FOXP2: variants seen among roughly 807,000 people sequenced by gnomAD.
FOXP2 encodes forkhead box protein P2.
In FOXP2, 12 loss-of-function variants were observed where a neutral mutation model predicts 115.8. That is an observed-to-expected ratio of 0.10 (90% confidence interval 0.07 to 0.17). The LOEUF is 0.17. Among genes scored for constraint, FOXP2 ranks in the 10% least tolerant of loss-of-function variants. The pLI, the probability that FOXP2 is intolerant of heterozygous loss-of-function variation, is 1.00. For missense variants in FOXP2, 629 were observed against 843.5 expected (o/e 0.75, Z 3.15); for synonymous variants, 328 against 297.7 (o/e 1.10, Z -1.05).
intron 2 of FOXP2, among the ~76,000 whole-genome samples, chr7:114,514,702 T>C (rs1031685130): frequency 6.6e-6 from 1 of 151,360 alleles, no homozygotes; most frequent in Admixed American, 6.6e-5. Flanking sequence ...TATTTATTTA[T>C]TTTTTATATT....
chr7:114,689,236 A>G (rs1279750453), intron 16 of FOXP2, among the ~76,000 whole-genome samples: 1 of 152,136 alleles, frequency 6.6e-6, no homozygotes, highest in East Asian at 1.9e-4. Flanking sequence ...CATCCTGGTA[A>G]TGAAGACGCT....
intron 1 of FOXP2, among the ~76,000 whole-genome samples, chr7:114,215,545 G>A (rs567243855): frequency 2.0e-5 from 3 of 151,980 alleles, no homozygotes; most frequent in African/African-American, 2.4e-5. Context: ...GAAATACTAC[G>A]GTTTATAGTC....
chr7:114,587,206 T>A (rs1394823833), intron 3 of FOXP2, among the ~76,000 whole-genome samples: 3 of 152,110 alleles, frequency 2.0e-5, no homozygotes, highest in African/African-American at 7.2e-5. Context: ...TAGGTATTTG[T>A]CCTGATGTTC....
chr7:114,644,020 A>G (rs1050761760), intron 7 of FOXP2, among the ~76,000 whole-genome samples: 8 of 152,248 alleles, frequency 5.3e-5, no homozygotes, highest in African/African-American at 1.9e-4. Context: ...TGGTTTTATT[A>G]GTATAAAGTG....
intron 2 of FOXP2, among the ~76,000 whole-genome samples, chr7:114,455,281 T>C (rs944294015): frequency 6.6e-6 from 1 of 152,220 alleles, no homozygotes; most frequent in African/African-American, 2.4e-5. Flanking sequence ...AAGCCAACTG[T>C]TGGTCATCCT....
chr7:114,625,494 C>T (rs1035955683), intron 3 of FOXP2, among the ~76,000 whole-genome samples: 18 of 151,710 alleles, frequency 1.2e-4, no homozygotes, highest in African/African-American at 2.9e-4. Context: ...ATACTGATTT[C>T]GTCTATTTAA....
chr7:114,474,379 C>T (rs371161366), intron 2 of FOXP2, among the ~76,000 whole-genome samples: 4 of 152,140 alleles, frequency 2.6e-5, no homozygotes, highest in East Asian at 3.8e-4. Flanking sequence ...AGGCTATACA[C>T]ATCAACAAAA....
At chr7:114,322,807 A>G (rs1287271361) in intron 2 of FOXP2, among the ~76,000 whole-genome samples, 1 of 152,198 alleles carries the variant, frequency 6.6e-6, no homozygotes, top group Non-Finnish European at 1.5e-5. Context: ...GATATTTTGT[A>G]TACCAAATTG....
At chr7:114,482,144 T>C (rs1209662505) in intron 2 of FOXP2, among the ~76,000 whole-genome samples, 2 of 151,458 alleles carry the variant, frequency 1.3e-5, no homozygotes, top group Non-Finnish European at 3.0e-5. Context: ...TTGTATTTCC[T>C]ACTTGTTGTG....
intron 3 of FOXP2, among the ~76,000 whole-genome samples, chr7:114,591,720 G>A (rs1802446100): frequency 6.6e-6 from 1 of 152,062 alleles, no homozygotes. Flanking sequence ...CATAACCATA[G>A]AAGCTATGTA....
intron 2 of FOXP2, among the ~76,000 whole-genome samples, chr7:114,503,134 G>A (rs1285668396): frequency 6.6e-6 from 1 of 151,876 alleles, no homozygotes; most frequent in African/African-American, 2.4e-5. Flanking sequence ...TATTCTTTCT[G>A]TGAAGTTTAT....
intron 1 of FOXP2, among the ~76,000 whole-genome samples, chr7:114,111,244 T>C (rs1791260895): frequency 6.6e-6 from 1 of 152,142 alleles, no homozygotes; most frequent in Admixed American, 6.6e-5. Context: ...GTGGAGACTT[T>C]ATAAGTGCTT....
chr7:114,341,610 T>C (rs1193418272), intron 2 of FOXP2, among the ~76,000 whole-genome samples: 1 of 151,394 alleles, frequency 6.6e-6, no homozygotes, highest in African/African-American at 2.4e-5. Flanking sequence ...AACTACTAAC[T>C]GTAGTAATCA....
chr7:114,466,180 T>G (rs1435960646), intron 2 of FOXP2, among the ~76,000 whole-genome samples: 6 of 152,174 alleles, frequency 3.9e-5, no homozygotes, highest in Non-Finnish European at 5.9e-5. Flanking sequence ...ATGGCCACTT[T>G]ATATTACTGG....
intron 2 of FOXP2, among the ~76,000 whole-genome samples, chr7:114,368,842 T>C (rs1208244677): frequency 6.6e-6 from 1 of 152,232 alleles, no homozygotes; most frequent in African/African-American, 2.4e-5. Context: ...GAAGGTATAA[T>C]TGACAACAAT....
At position 114,384,669 on chromosome 7, in the gene FOXP2, G is replaced by T. The variant is rs974053987; in HGVS notation, c.-10-41833G>T. On this transcript the variant is annotated intron_variant, in intron 2 of 17. Transcript: ENST00000634411. ...GGGTTAAGGGAATTATCAGTGGTTG[G>T]AGTTACATTACCCTTTTCTAACATA... 2.2e-4 allele frequency among the ~76,000 whole-genome samples: 33 copies of T among 151,942 alleles called. 1 individual carries two copies. Among genetic ancestry groups the T allele is most frequent in the Non-Finnish European group, 4.4e-5 (3 of 68,008 alleles).
At chr7:114,569,872 A>G (rs1325357187) in intron 3 of FOXP2, among the ~76,000 whole-genome samples, 1 of 151,924 alleles carries the variant, frequency 6.6e-6, no homozygotes, top group Admixed American at 6.6e-5. Context: ...TAATATTTAC[A>G]TGCATCAAAC....
At chr7:114,651,300 T>C (rs932566642) in intron 8 of FOXP2, among the ~76,000 whole-genome samples, 1 of 152,128 alleles carries the variant, frequency 6.6e-6, no homozygotes, top group African/African-American at 2.4e-5. Context: ...CTTTGCCCAT[T>C]GGTGAAATAG....
At chr7:114,166,083 C>A (rs1401704049) in intron 1 of FOXP2, among the ~76,000 whole-genome samples, 2 of 152,026 alleles carry the variant, frequency 1.3e-5, no homozygotes, top group East Asian at 1.9e-4. Flanking sequence ...TCTAGACGAC[C>A]TTATACCTTT....
Sources: gnomAD v4.1 joint callset for allele counts (sites outside exome capture counted in the v4.1 genomes callset) on GRCh38, gnomAD v4.1.1 for gene constraint, MANE v1.5 for transcripts, NCBI Gene and HGNC (gene_info 2026-07-23, HGNC 2026-07-21) for gene names.